ERC1: variants seen among roughly 807,000 people sequenced by gnomAD.
ERC1 encodes the protein ELKS/RAB6-interacting/CAST family member 1.
In ERC1, 56 loss-of-function variants were observed where a neutral mutation model predicts 132.0. The observed-to-expected ratio is 0.42, with a 90% CI of 0.34 to 0.53. The LOEUF is 0.53. Ranked by LOEUF, ERC1 falls within the 20% of genes least tolerant of loss-of-function variation. The pLI, the probability that ERC1 is intolerant of heterozygous loss-of-function variation, is 0.03. For missense variants in ERC1, 1,202 were observed against 1,349.9 expected (o/e 0.89, Z 1.72); for synonymous variants, 478 against 476.1 (o/e 1.00, Z -0.05).
chr12:1,413,491 G>A (rs1333236279), intron 17 of ERC1, among the ~76,000 whole-genome samples: 1 of 152,102 alleles, frequency 6.6e-6, no homozygotes, highest in Non-Finnish European at 1.5e-5. Flanking sequence ...CTACTCAGGA[G>A]GCTGAGGCAC....
chr12:993,949 A>C (rs2154126185), intron 1 of ERC1, among the ~76,000 whole-genome samples: 1 of 151,818 alleles, frequency 6.6e-6, no homozygotes, highest in Non-Finnish European at 1.5e-5. Flanking sequence ...CACACCTGTA[A>C]CCCCAGCTAC....
At chr12:1,287,511 T>C (rs1566489893) in intron 14 of ERC1, among the ~76,000 whole-genome samples, 1 of 152,156 alleles carries the variant, frequency 6.6e-6, no homozygotes, top group Non-Finnish European at 1.5e-5. Context: ...CTCCCTGATG[T>C]GGGTGGGCCT....
intron 2 of ERC1, among the ~76,000 whole-genome samples, chr12:1,064,834 C>T (rs574500009): frequency 4.6e-5 from 7 of 152,286 alleles, no homozygotes; most frequent in African/African-American, 1.2e-4. Flanking sequence ...GCTGAGACTT[C>T]GGAAGTTTTC....
chr12:1,341,451 G>T (rs1171825739), intron 15 of ERC1, among the ~76,000 whole-genome samples: 1 of 152,014 alleles, frequency 6.6e-6, no homozygotes, highest in African/African-American at 2.4e-5. Context: ...AGAAAATGTG[G>T]CACATATACA....
chr12:1,134,583 C>G (rs532131884), intron 7 of ERC1, among the ~76,000 whole-genome samples: 1 of 152,054 alleles, frequency 6.6e-6, no homozygotes, highest in South Asian at 2.1e-4. Context: ...AACTTTTGGC[C>G]TCAAGTGATC....
chr12:1,338,680 A>G lies in ERC1; in HGVS notation c.2781-33153A>G, dbSNP rs369676970. On this transcript the variant is annotated intron_variant, in intron 15 of 18. Transcript: ENST00000360905. ...ATCTTTCTGGGGTAATGTTTGTTCA[A>G]TCTTTGAACTTGCTGACCTTTGGAT... is the stretch of plus-strand genomic sequence containing the variant. Among the ~76,000 whole-genome samples the G allele has an allele frequency of 2.1e-4, 31 of 150,502 alleles. No homozygotes were observed. In the South Asian group the frequency reaches 3.6e-3, roughly 17 times the overall value.
At chr12:1,192,725 A>T (rs1955857032) in intron 12 of ERC1, among the ~76,000 whole-genome samples, 1 of 152,188 alleles carries the variant, frequency 6.6e-6, no homozygotes, top group African/African-American at 2.4e-5. Context: ...TTACAGTCTT[A>T]TACTAGAGTG....
At chr12:1,009,192 T>G (rs893380579) in intron 1 of ERC1, among the ~76,000 whole-genome samples, 1 of 151,832 alleles carries the variant, frequency 6.6e-6, no homozygotes, top group Non-Finnish European at 1.5e-5. Flanking sequence ...TTTTTTTTTT[T>G]GAGACAGAGT....
chr12:1,223,974 A>T (rs2154296575), intron 12 of ERC1, among the ~76,000 whole-genome samples: 1 of 152,294 alleles, frequency 6.6e-6, no homozygotes, highest in African/African-American at 2.4e-5. Flanking sequence ...TTCAAATCAA[A>T]CTAGATGTTA....
At chr12:1,171,073 C>A (rs1236931549) in intron 8 of ERC1, among the ~76,000 whole-genome samples, 1 of 152,128 alleles carries the variant, frequency 6.6e-6, no homozygotes, top group Non-Finnish European at 1.5e-5. Flanking sequence ...ACTAGTCATT[C>A]ATTGCAATAA....
intron 16 of ERC1, among the ~76,000 whole-genome samples, chr12:1,381,699 C>A (rs80222773): frequency 0.021 from 3,200 of 152,234 alleles, 98 homozygotes; most frequent in African/African-American, 0.072. Context: ...GATGCAAACC[C>A]TTTTTCATTC....
chr12:1,330,563 T>C (rs1388954406), intron 15 of ERC1, among the ~76,000 whole-genome samples: 1 of 152,176 alleles, frequency 6.6e-6, no homozygotes, highest in Non-Finnish European at 1.5e-5. Context: ...CCTAGTGACA[T>C]GTAAAATAAG....
At chr12:1,446,568 T>A (rs1382041657) in intron 18 of ERC1, among the ~76,000 whole-genome samples, 1 of 152,210 alleles carries the variant, frequency 6.6e-6, no homozygotes, top group Non-Finnish European at 1.5e-5. Flanking sequence ...TATTGTTTGT[T>A]TACTCGTGTG....
At chr12:1,245,247 T>G (rs1291296214) in intron 13 of ERC1, among the ~76,000 whole-genome samples, 1 of 151,928 alleles carries the variant, frequency 6.6e-6, no homozygotes, top group African/African-American at 2.4e-5. Context: ...TTTTCTCTTC[T>G]GTTCCTCTAG....
chr12:1,204,709 G>A (rs1311747058), intron 12 of ERC1, among the ~76,000 whole-genome samples: 1 of 152,146 alleles, frequency 6.6e-6, no homozygotes, highest in African/African-American at 2.4e-5. Context: ...GGTAGTGTGA[G>A]TAGTCAGAGA....
intron 4 of ERC1, among the ~76,000 whole-genome samples, chr12:1,105,334 AGAGTT>A (rs1310771273): frequency 6.6e-6 from 1 of 152,128 alleles, no homozygotes; most frequent in Non-Finnish European, 1.5e-5. Context: ...TGTGTACTCC[AGAGTT>A]GAGATTTTTT....
At chr12:1,398,013 T>G (rs1248499378) in intron 16 of ERC1, among the ~76,000 whole-genome samples, 3 of 152,156 alleles carry the variant, frequency 2.0e-5, no homozygotes, top group Non-Finnish European at 4.4e-5. Flanking sequence ...TTTTTAGTGG[T>G]CTCACTCTCT....
chr12:1,126,339 G>T (rs1336214905), intron 7 of ERC1, among the ~76,000 whole-genome samples: 1 of 148,742 alleles, frequency 6.7e-6, no homozygotes, highest in Non-Finnish European at 1.5e-5. Context: ...AGAACAGGGA[G>T]TGTGAAATCA....
intron 18 of ERC1, among the ~76,000 whole-genome samples, chr12:1,453,289 G>T (rs973900277): frequency 6.6e-6 from 1 of 152,034 alleles, no homozygotes; most frequent in African/African-American, 2.4e-5. Context: ...ATAATTTGGG[G>T]TCCTACTGGA....
Sources: gnomAD v4.1 joint callset for allele counts (sites outside exome capture counted in the v4.1 genomes callset) on GRCh38, gnomAD v4.1.1 for gene constraint, MANE v1.5 for transcripts, NCBI Gene and HGNC (gene_info 2026-07-23, HGNC 2026-07-21) for gene names.